NCAPD2: variants seen among roughly 807,000 people sequenced by gnomAD.
The protein encoded by NCAPD2 is condensin complex subunit 1.
NCAPD2 carries 100 observed loss-of-function variants against 164.5 expected under a neutral mutation model. The ratio of observed to expected loss-of-function variants is 0.61; its 90% CI spans 0.52 to 0.72. The LOEUF is 0.72. NCAPD2 is among the 30% of genes least tolerant of loss of function. The pLI, the probability that NCAPD2 is intolerant of heterozygous loss-of-function variation, is 0.00. For synonymous variants in NCAPD2, 585 were observed against 642.6 expected, an observed-to-expected ratio of 0.91 and a Z score of 1.36; for missense variants, 1,560 against 1,749.2, an observed-to-expected ratio of 0.89 and a Z score of 1.93.
At chr12:6,526,000 A>G (rs71579349) in intron 18 of NCAPD2, 68 bp from the exon 19 acceptor site, 33,436 of 1,576,028 alleles carry the variant, frequency 0.021, 1,067 homozygotes, top group East Asian at 0.15. Context: ...ACCTACCCCT[A>G]TTGGCCCTTT....
rs377724145 is a variant in NCAPD2, at chr12:6,516,815, TTC to T, written c.988-5_988-4del. On this transcript the variant is annotated splice_polypyrimidine_tract_variant and intron_variant, in intron 9 of 31. Transcript: ENST00000315579. ...GACTAAAGGTTTGACCCCTCTATGC[TTC>T]TCTCTCTTAGAATTACATGATGCGT... The T allele has an allele frequency of 2.0e-4, 324 of 1,613,764 alleles. No individual in the cohort carries two copies. The African/African-American group carries it at 3.7e-3, about 18-fold the overall frequency.
At chr12:6,530,847 C>T (rs757771161) in intron 30 of NCAPD2, 30 bp downstream of exon 30, 46 of 1,613,890 alleles carry the variant, frequency 2.9e-5, no homozygotes, top group African/African-American at 5.3e-5. Context: ...CGGGCGAGAC[C>T]AGACTGGGCC....
chr12:6,504,007 G>A (rs1195533802), intron 2 of NCAPD2, among the ~76,000 whole-genome samples: 1 of 151,462 alleles, frequency 6.6e-6, no homozygotes, highest in Non-Finnish European at 1.5e-5. Context: ...TGTGAGGGTG[G>A]AGCCCTCATA....
rs151273606 is a variant in NCAPD2 at position 6,521,849 on chromosome 12, T to C, written c.1766T>C (p.Met589Thr). ...EKNPRESTGNMVTGQTVCKNK... is the reference protein window; with the variant it reads ...EKNPRESTGNTVTGQTVCKNK... ...AATCCCCGGGAGTCTACAGGAAACA[T>C]GGTCACAGGACAGACTGTCTGTAAA... is the stretch of plus-strand genomic sequence containing the variant. The change falls in exon 15 of 32, where the codon ATG becomes ACG. Residue 589 changes from methionine to threonine, a missense_variant. By Grantham distance (81) the Met-to-Thr change is moderately conservative. Coordinates refer to ENST00000315579, the MANE Select transcript of NCAPD2 (RefSeq NM_014865.4). 6.8e-6 allele frequency: 11 copies of C among 1,614,116 alleles called. No individual in the cohort carries two copies. The East Asian group carries it at 2.5e-4, about 36-fold the overall frequency.
Position 6,530,937 on chromosome 12 carries a change from T to A in NCAPD2, c.3981T>A (p.Pro1327=). The A allele has an allele frequency of 6.2e-7, 1 of 1,614,194 alleles. No individual in the cohort carries two copies. ...CTTTTCTAGGTTCTAGGTACCAGCC[T>A]CTGGCTTCTACAGCCTCAGACAATG... The part of the protein sequence containing the change: ...KKPSTGSRYQ[P]LASTASDNDF... Residue 1327 remains proline (P), a synonymous_variant, in exon 31 of 32, where the codon CCT becomes CCA. Transcript: ENST00000315579.
chr12:6,528,470 CT>C lies in NCAPD2; in HGVS notation c.3299+143del. 7.9e-7 allele frequency: 1 copy of C among 1,268,946 alleles called. No homozygotes were observed. Among genetic ancestry groups the C allele is most frequent in the Non-Finnish European group, 1.1e-6 (1 of 908,516 alleles). The allele number at this position is 1,268,946 out of a possible 1,614,324, so 78.6% of individuals were successfully genotyped here. ...CTTGATACTTGACCTGTACAGGCCC[CT>C]GGCTAAGAGTCACCCCAGTGGGACT... is the stretch of plus-strand genomic sequence containing the variant. On this transcript the variant is annotated intron_variant, in intron 25 of 31. Transcript: ENST00000315579. This position sits in a 1 kb window ranked among gnomAD's most constrained non-coding sequence, Gnocchi z 5.1.
chr12:6,517,966 A>C lies in NCAPD2; in HGVS notation c.1589+7A>C, dbSNP rs1234801409. On this transcript the variant is annotated splice_region_variant and intron_variant, in intron 13 of 31. Transcript: ENST00000315579. ...TTGCCAAAGCTAGTTACAAGTAGGC[A>C]AAAGAATGGGATATTCTTCGTGATC... is the stretch of plus-strand genomic sequence containing the variant. 2 of 1,612,694 alleles carry C rather than the reference A, an allele frequency of 1.2e-6. No individual in the cohort carries two copies.
At chr12:6,495,558 A>G (rs1945971845) in intron 2 of NCAPD2, among the ~76,000 whole-genome samples, 1 of 152,310 alleles carries the variant, frequency 6.6e-6, no homozygotes, top group South Asian at 2.1e-4. Flanking sequence ...CTTTTTCAGA[A>G]TGTCTCGGAC....
intron 29 of NCAPD2, among the ~76,000 whole-genome samples, chr12:6,530,462 T>C (rs1317201048): frequency 6.6e-6 from 1 of 152,208 alleles, no homozygotes; most frequent in Admixed American, 6.5e-5. Context: ...ACAAATCCCC[T>C]GCACTCCACC....
At position 6,504,236 on chromosome 12, in the gene NCAPD2, T is replaced by A. The variant is rs1380420983; in HGVS notation, c.128-5481T>A. On this transcript the variant is annotated intron_variant, in intron 2 of 31. Coordinates refer to ENST00000315579, the MANE Select transcript of NCAPD2 (RefSeq NM_014865.4). Reference sequence around the variant, plus strand: ...ATATATAGATATAGATATATATATATATATATACCATTGGTCCTTGAACAA... The same window carrying A: ...ATATATAGATATAGATATATATATAAATATATACCATTGGTCCTTGAACAA... Among the ~76,000 whole-genome samples, 3 of 95,784 alleles carry A rather than the reference T, an allele frequency of 3.1e-5. 1 individual carries two copies. Among genetic ancestry groups the A allele is most frequent in the Non-Finnish European group, 6.6e-5 (3 of 45,570 alleles). The allele number at this position is 95,784 out of a possible 152,430, so 62.8% of individuals were successfully genotyped here. A position where few individuals can be genotyped will look rare whatever the true frequency, so the allele number is the denominator to read the frequency against.
At position 6,526,909 on chromosome 12, in the gene NCAPD2, T is replaced by C. The variant is rs1946322761; in HGVS notation, c.2753T>C (p.Leu918Pro). The C allele has an allele frequency of 6.2e-7, 1 of 1,612,980 alleles. No homozygotes were observed. The highest frequency in any genetic ancestry group is 8.5e-7 in the Non-Finnish European group (1 of 1,179,604). Reference sequence around the variant, plus strand: ...CCTCCAGAGGAGTCCCCCGCAATGCTCCCCACTTTCCTGTTGATGAACCTG... The same window carrying C: ...CCTCCAGAGGAGTCCCCCGCAATGCCCCCCACTTTCCTGTTGATGAACCTG... ...QEDPKESPAM[L>P]PTFLLMNLLS... Residue 918 changes from leucine (L) to proline (P), a missense_variant, in exon 22 of 32, where the codon CTC (leucine) becomes CCC (proline). Coordinates refer to ENST00000315579, the MANE Select transcript of NCAPD2 (RefSeq NM_014865.4).
intron 9 of NCAPD2, 59 bp from the exon 10 acceptor site, chr12:6,516,769 A>G (rs990621783): frequency 6.4e-7 from 1 of 1,565,402 alleles, no homozygotes; most frequent in Admixed American, 1.7e-5. Context: ...GTTATGGCCA[A>G]GCACAAGCAA....
chr12:6,531,527 C>G lies in NCAPD2; in HGVS notation c.*115C>G, dbSNP rs762911222. 3 of 1,497,538 alleles carry G rather than the reference C, an allele frequency of 2.0e-6. No homozygotes were observed. Among genetic ancestry groups the G allele is most frequent in the Non-Finnish European group, 1.8e-6 (2 of 1,118,930 alleles). The allele number at this position is 1,497,538 out of a possible 1,614,324, so 92.8% of individuals were successfully genotyped here. On this transcript the variant is annotated 3_prime_UTR_variant, in exon 32 of 32. Transcript: ENST00000315579. This position sits in a 1 kb window ranked among gnomAD's most constrained non-coding sequence, Gnocchi z 4.1. The stretch of plus-strand genomic sequence containing the variant: ...TCTTTTTTTTAAAAAAAAAAAAGGC[C>G]GGGCACTGTGGCTCACGCCTGTAAT...
At chr12:6,513,170 T>A (rs896703552) in intron 6 of NCAPD2, among the ~76,000 whole-genome samples, 38 of 152,106 alleles carry the variant, frequency 2.5e-4, no homozygotes, top group Non-Finnish European at 8.8e-5. Flanking sequence ...GCCGTGAGAC[T>A]GAATGAAATT....
chr12:6,520,922 A>G, intron 13 of NCAPD2, 64 bp from the exon 14 acceptor site: 4 of 1,605,826 alleles, frequency 2.5e-6, no homozygotes, highest in Non-Finnish European at 3.4e-6. Context: ...ATCATGAGGT[A>G]AGCTCCCTTA....
rs1946373215 is a variant in NCAPD2 at position 6,531,495 on chromosome 12, GTC to G, written c.*85_*86del. 1 of 1,548,154 alleles carries G rather than the reference GTC, an allele frequency of 6.5e-7. No homozygotes were observed. The highest frequency in any genetic ancestry group is 2.0e-5 in the Admixed American group (1 of 50,528). On this transcript the variant is annotated 3_prime_UTR_variant, in exon 32 of 32. Coordinates refer to ENST00000315579, the MANE Select transcript of NCAPD2 (RefSeq NM_014865.4). This position sits in a 1 kb window ranked among gnomAD's most constrained non-coding sequence, Gnocchi z 4.1. ...ATTCTGTTTCCCTTGTAAAATATTT[GTC>G]TGTCTCTTTTTTTTAAAAAAAAAAA... is the stretch of plus-strand genomic sequence containing the variant.
At position 6,531,508 on chromosome 12, in the gene NCAPD2, TTTTA is replaced by T; in HGVS notation, c.*97_*100del. 6.5e-7 allele frequency: 1 copy of T among 1,530,042 alleles called. No individual in the cohort carries two copies. The highest frequency in any genetic ancestry group is 8.7e-7 in the Non-Finnish European group (1 of 1,144,970). 94.8% of individuals were successfully genotyped at this position (1,530,042 alleles called of 1,614,324 possible). ...TGTAAAATATTTGTCTGTCTCTTTT[TTTTA>T]AAAAAAAAAAAGGCCGGGCACTGTG... On this transcript the variant is annotated 3_prime_UTR_variant, in exon 32 of 32. Transcript: ENST00000315579. The surrounding 1 kb of genome is among the most constrained non-coding windows in gnomAD (Gnocchi z 4.1).
At chr12:6,495,459 T>G (rs1945970566) in intron 2 of NCAPD2, among the ~76,000 whole-genome samples, 1 of 152,250 alleles carries the variant, frequency 6.6e-6, no homozygotes, top group African/African-American at 2.4e-5. Flanking sequence ...ATGTGATTAC[T>G]CTTTGGGGAA....
At chr12:6,529,244 T>C in intron 27 of NCAPD2, 1 of 615,186 alleles carries the variant, frequency 1.6e-6, no homozygotes, top group Non-Finnish European at 2.9e-6. Flanking sequence ...TACGATAAAG[T>C]TCCTAACATG....
Sources: gnomAD v4.1 joint callset for allele counts (sites outside exome capture counted in the v4.1 genomes callset) on GRCh38, gnomAD v4.1.1 for gene constraint, Gnocchi (gnomAD v3.1) non-coding constraint, MANE v1.5 for transcripts, NCBI Gene and HGNC (gene_info 2026-07-23, HGNC 2026-07-21) for gene names.